The following SLC44A5 variants were observed in gnomAD, a reference collection of about 807,000 sequenced individuals.
SLC44A5 encodes solute carrier family 44 member 5, also known as choline transporter-like protein 5.
A neutral mutation model predicts 101.8 loss-of-function variants in SLC44A5; 57 were observed. The ratio of observed to expected loss-of-function variants is 0.56; its 90% CI spans 0.45 to 0.70. SLC44A5 has a LOEUF of 0.70. SLC44A5 is among the 30% of genes least tolerant of loss of function. The pLI is 0.00. For missense variants in SLC44A5, 737 were observed against 853.1 expected (o/e 0.86, Z 1.70); for synonymous variants, 281 against 290.9 (o/e 0.97, Z 0.35).
the SLC44A5 span, among the ~76,000 whole-genome samples, chr1:75,632,404 G>A: frequency 1.3e-5 from 2 of 150,592 alleles, no homozygotes; most frequent in African/African-American, 2.4e-5. Context: ...CTTGTGTTGT[G>A]TAACATTAAA....
intron 23 of SLC44A5, chr1:75,205,568 G>A (rs559689782): frequency 2.0e-5 from 3 of 152,226 alleles, no homozygotes; most frequent in African/African-American, 7.2e-5. Context: ...TTCCTCCTAA[G>A]CCCTGCAGAG....
intron 2 of SLC44A5, among the ~76,000 whole-genome samples, chr1:75,402,923 A>G (rs1212590685): frequency 2.0e-5 from 3 of 152,158 alleles, no homozygotes; most frequent in African/African-American, 7.2e-5. Context: ...ACACATTAAG[A>G]CCAGCAAGCT....
At chr1:75,585,311 C>A (rs1673931043) in intron 1 of SLC44A5, among the ~76,000 whole-genome samples, 1 of 152,212 alleles carries the variant, frequency 6.6e-6, no homozygotes, top group South Asian at 2.1e-4. Context: ...TAAAGTCAGA[C>A]AGACTCATTA....
chr1:75,698,587 G>T, the SLC44A5 span, among the ~76,000 whole-genome samples: 6 of 152,222 alleles, frequency 3.9e-5, no homozygotes, highest in Non-Finnish European at 8.8e-5. Flanking sequence ...ACTCTAAAAA[G>T]CAGAGCGTCT....
the SLC44A5 span, among the ~76,000 whole-genome samples, chr1:75,618,649 G>A: frequency 5.7e-3 from 864 of 152,292 alleles, 13 homozygotes; most frequent in Admixed American, 0.034. Flanking sequence ...TATACACTTA[G>A]GCTATGTGGT....
chr1:75,406,885 AG>A (rs200227832), intron 2 of SLC44A5, among the ~76,000 whole-genome samples: 38,152 of 151,932 alleles, frequency 0.25, 5,059 homozygotes, highest in African/African-American at 0.33. Context: ...AAAGAAATAA[AG>A]GGTATTCAAA....
the SLC44A5 span, among the ~76,000 whole-genome samples, chr1:75,687,843 T>C: frequency 2.0e-5 from 3 of 152,208 alleles, no homozygotes; most frequent in African/African-American, 7.2e-5. Flanking sequence ...CTATGGGCAT[T>C]TGGGGAGCTC....
At chr1:75,270,923 A>G (rs1651413851) in intron 6 of SLC44A5, among the ~76,000 whole-genome samples, 1 of 152,154 alleles carries the variant, frequency 6.6e-6, no homozygotes, top group Admixed American at 6.6e-5. Flanking sequence ...TTCTTGTTAC[A>G]AATGCCCTTT....
At chr1:75,672,587 G>C in the SLC44A5 span, among the ~76,000 whole-genome samples, 3 of 152,150 alleles carry the variant, frequency 2.0e-5, no homozygotes, top group East Asian at 3.9e-4. Flanking sequence ...CAGTATACTT[G>C]AAGTGCATGC....
Position 75,217,880 on chromosome 1 carries a change from T to C in SLC44A5, c.1610A>G (p.Asp537Gly). The change falls in exon 18 of 24, where the codon GAC becomes GGC. Residue 537 changes from aspartate to glycine, a missense_variant. Transcript: ENST00000370859. ...TGAAATCTTACGTTTAAGACGGTGG[T>C]CCAAGTATTCTAGTACAATTTTAAA... ...QMFKIVLEYL[D>G]HRLKRTQNTL... 1 of 1,590,668 alleles carries C rather than the reference T, an allele frequency of 6.3e-7. No individual in the cohort carries two copies. The highest frequency in any genetic ancestry group is 8.6e-7 in the Non-Finnish European group (1 of 1,159,086).
chr1:75,693,988 G>C, the SLC44A5 span, among the ~76,000 whole-genome samples: 1 of 151,784 alleles, frequency 6.6e-6, no homozygotes, highest in Admixed American at 6.6e-5. Context: ...TACAGTGTAA[G>C]TCTTGAGTTT....
intron 1 of SLC44A5, among the ~76,000 whole-genome samples, chr1:75,609,521 G>A (rs1675528453): frequency 6.6e-6 from 1 of 151,862 alleles, no homozygotes; most frequent in Non-Finnish European, 1.5e-5. Flanking sequence ...TGTGCTGTTG[G>A]GAGATTTTAG....
chr1:75,692,462 T>C, the SLC44A5 span, among the ~76,000 whole-genome samples: 1 of 152,260 alleles, frequency 6.6e-6, no homozygotes, highest in South Asian at 2.1e-4. Context: ...CCCAAAGTGC[T>C]GGGATTACAG....
upstream of SLC44A5, among the ~76,000 whole-genome samples, chr1:75,615,414 C>G (rs1675826777): frequency 1.4e-5 from 1 of 70,970 alleles, no homozygotes; most frequent in Non-Finnish European, 2.7e-5. Context: ...CTCTCTCTCT[C>G]TTACACACAC....
the SLC44A5 span, among the ~76,000 whole-genome samples, chr1:75,700,368 A>C: frequency 0.22 from 32,945 of 151,544 alleles, 4,512 homozygotes; most frequent in Middle Eastern, 0.36. Flanking sequence ...AAAACCGCTC[A>C]ACTACATGGA....
chr1:75,466,411 C>G (rs1666818558), intron 2 of SLC44A5, among the ~76,000 whole-genome samples: 1 of 152,090 alleles, frequency 6.6e-6, no homozygotes, highest in Non-Finnish European at 1.5e-5. Flanking sequence ...AATCCCAGCA[C>G]TTTGGCAGGC....
the SLC44A5 span, among the ~76,000 whole-genome samples, chr1:75,636,959 G>C: frequency 6.6e-6 from 1 of 151,988 alleles, no homozygotes; most frequent in African/African-American, 2.4e-5. Flanking sequence ...ACAATTAGTA[G>C]ATTTATTATA....
At position 75,224,176 on chromosome 1, in the gene SLC44A5, G is replaced by A. The variant is rs554169677; in HGVS notation, c.986-1716C>T. ...TCCTATTGCCCAGTGGCATGGTAGT[G>A]CAATGCATTACTCATGTGTTTGGAG... On this transcript the variant is annotated intron_variant, in intron 13 of 23. Coordinates refer to ENST00000370859, the MANE Select transcript of SLC44A5 (RefSeq NM_001130058.2). Among the ~76,000 whole-genome samples, 2 of 152,312 alleles carry A rather than the reference G, an allele frequency of 1.3e-5. 1 individual carries two copies. The highest frequency in any genetic ancestry group is 4.1e-4 in the South Asian group (2 of 4,822).
the SLC44A5 span, among the ~76,000 whole-genome samples, chr1:75,677,374 T>G: frequency 6.6e-6 from 1 of 152,234 alleles, no homozygotes; most frequent in African/African-American, 2.4e-5. Context: ...TGCTTGTTTA[T>G]TAATTTGTTT....
Sources: allele counts gnomAD v4.1 joint callset (sites outside exome capture counted in the v4.1 genomes callset), GRCh38; gene constraint gnomAD v4.1.1; transcripts MANE v1.5; gene names NCBI Gene and HGNC (gene_info 2026-07-23, HGNC 2026-07-21).